Variants in ASTN2 observed in about 807,000 individuals in gnomAD.
ASTN2 encodes astrotactin-2.
Under a neutral mutation model 139.8 loss-of-function variants are expected in ASTN2, and 54 were observed. That is an observed-to-expected ratio of 0.39 (90% CI 0.31 to 0.48). ASTN2 has a LOEUF of 0.48. ASTN2 is among the 20% of genes least tolerant of loss of function. The pLI is 0.95. For synonymous variants in ASTN2, 756 were observed against 719.5 expected, an observed-to-expected ratio of 1.05 and a Z score of -0.81; for missense variants, 1,565 against 1,725.1, an observed-to-expected ratio of 0.91 and a Z score of 1.64.
intron 20 of ASTN2, among the ~76,000 whole-genome samples, chr9:116,485,275 G>T (rs558794225): frequency 6.6e-6 from 1 of 152,222 alleles, no homozygotes; most frequent in South Asian, 2.1e-4. Flanking sequence ...GAGGCTCAGA[G>T]GGATGGGCAG....
At chr9:116,849,712 G>A (rs929490866) in intron 11 of ASTN2, among the ~76,000 whole-genome samples, 6 of 151,584 alleles carry the variant, frequency 4.0e-5, no homozygotes, top group Non-Finnish European at 8.8e-5. Flanking sequence ...CTGGACATAC[G>A]GACTTTTCCA....
At chr9:116,995,922 C>T (rs1836999677) in intron 7 of ASTN2, among the ~76,000 whole-genome samples, 1 of 152,166 alleles carries the variant, frequency 6.6e-6, no homozygotes, top group African/African-American at 2.4e-5. Flanking sequence ...CTCACTGACA[C>T]TTTGAACTCC....
At chr9:116,575,396 G>C (rs1410306638) in intron 19 of ASTN2, among the ~76,000 whole-genome samples, 2 of 152,124 alleles carry the variant, frequency 1.3e-5, no homozygotes, top group Admixed American at 6.6e-5. Context: ...CTTTGGTGTG[G>C]ATGAGTACAG....
chr9:116,436,887 T>C (rs538777126), intron 22 of ASTN2, among the ~76,000 whole-genome samples: 6 of 151,918 alleles, frequency 3.9e-5, no homozygotes, highest in East Asian at 3.9e-4. Flanking sequence ...CCATAAAAAA[T>C]GATGAGTTCA....
intron 5 of ASTN2, among the ~76,000 whole-genome samples, chr9:117,085,634 TA>T (rs1345692180): frequency 1.3e-5 from 2 of 152,188 alleles, no homozygotes; most frequent in South Asian, 2.1e-4. Flanking sequence ...CATACTGAAC[TA>T]ACTTTTCAGT....
At chr9:116,637,202 A>T (rs758502185) in intron 17 of ASTN2, among the ~76,000 whole-genome samples, 1 of 152,224 alleles carries the variant, frequency 6.6e-6, no homozygotes, top group Non-Finnish European at 1.5e-5. Context: ...GACCCATGTG[A>T]TGACAAACTG....
At chr9:116,578,525 C>A (rs1853815316) in intron 19 of ASTN2, among the ~76,000 whole-genome samples, 3 of 148,178 alleles carry the variant, frequency 2.0e-5, no homozygotes, top group Non-Finnish European at 3.0e-5. Context: ...ATTATGAAAT[C>A]AGAATTCCAG....
intron 17 of ASTN2, among the ~76,000 whole-genome samples, chr9:116,634,188 C>A (rs1856943910): frequency 6.6e-6 from 1 of 152,038 alleles, no homozygotes; most frequent in Admixed American, 6.5e-5. Context: ...GTATAAAGTG[C>A]CTAAAATAAT....
intron 3 of ASTN2, among the ~76,000 whole-genome samples, chr9:117,209,706 G>A (rs551568404): frequency 1.4e-4 from 21 of 152,198 alleles, no homozygotes; most frequent in African/African-American, 5.1e-4. Context: ...CCAAATGGAT[G>A]TGATAGACAA....
intron 10 of ASTN2, among the ~76,000 whole-genome samples, chr9:116,915,998 C>T (rs1194101313): frequency 1.3e-5 from 2 of 152,162 alleles, no homozygotes; most frequent in Admixed American, 6.5e-5. Flanking sequence ...TCTTCTGGGA[C>T]TAAGATTTCA....
Position 117,414,176 on chromosome 9 carries a change from CA to C in ASTN2, c.442+320del, listed in dbSNP as rs2130987498. Among the ~76,000 whole-genome samples the C allele has an allele frequency of 6.6e-6, 1 of 152,228 alleles. No individual in the cohort carries two copies. The highest frequency in any genetic ancestry group is 2.0e-4 in the East Asian group (1 of 5,118). On this transcript the variant is annotated intron_variant, in intron 1 of 22. Coordinates refer to ENST00000313400, the MANE Select transcript of ASTN2 (RefSeq NM_001365068.1). This position sits in a 1 kb window ranked among gnomAD's most constrained non-coding sequence, Gnocchi z 4.2. ...GATCTGGGATGCTCCGGCCCCTAGC[CA>C]GAGCACCTTCAGTGAATGGGGTCTC... is the stretch of plus-strand genomic sequence containing the variant.
intron 1 of ASTN2, among the ~76,000 whole-genome samples, chr9:117,306,550 T>C (rs1315927984): frequency 6.6e-6 from 1 of 152,196 alleles, no homozygotes; most frequent in South Asian, 2.1e-4. Context: ...GGAATAGACA[T>C]GGCATCTTCA....
At chr9:117,288,739 C>A (rs987272748) in intron 2 of ASTN2, among the ~76,000 whole-genome samples, 4 of 152,172 alleles carry the variant, frequency 2.6e-5, no homozygotes, top group Non-Finnish European at 4.4e-5. Context: ...AGAGTCTGAG[C>A]CACAGAGAGG....
intron 20 of ASTN2, among the ~76,000 whole-genome samples, chr9:116,485,997 C>T (rs114512729): frequency 3.9e-5 from 6 of 152,312 alleles, no homozygotes; most frequent in African/African-American, 1.4e-4. Flanking sequence ...ACTTACTGAG[C>T]ACATGCTTGG....
chr9:116,820,832 G>A, intron 11 of ASTN2, 49 bp from the exon 12 acceptor site: 1 of 1,555,330 alleles, frequency 6.4e-7, no homozygotes. Flanking sequence ...GAGGTTGTAG[G>A]CCCCATCACA....
intron 1 of ASTN2, among the ~76,000 whole-genome samples, chr9:117,345,006 T>C (rs1303427968): frequency 6.6e-6 from 1 of 151,942 alleles, no homozygotes; most frequent in Admixed American, 6.5e-5. Flanking sequence ...CATGAACAGG[T>C]TGGGGCTAAA....
chr9:116,941,879 C>G (rs1253548695), intron 10 of ASTN2, among the ~76,000 whole-genome samples: 1 of 151,386 alleles, frequency 6.6e-6, no homozygotes, highest in Non-Finnish European at 1.5e-5. Context: ...CAAAACCAAG[C>G]AAGATAGCCA....
chr9:116,750,858 A>G (rs747246146), intron 13 of ASTN2, among the ~76,000 whole-genome samples: 4 of 152,236 alleles, frequency 2.6e-5, no homozygotes, highest in Non-Finnish European at 4.4e-5. Flanking sequence ...ACACCAAGGG[A>G]TATCAAGACT....
At chr9:116,463,986 G>A (rs1387543910) in intron 20 of ASTN2, among the ~76,000 whole-genome samples, 4 of 146,162 alleles carry the variant, frequency 2.7e-5, no homozygotes, top group Non-Finnish European at 6.0e-5. Context: ...AGTCTCAAGT[G>A]ATCTTCCCAC....
Sources: allele counts gnomAD v4.1 joint callset (sites outside exome capture counted in the v4.1 genomes callset), GRCh38; gene constraint gnomAD v4.1.1; non-coding constraint Gnocchi (gnomAD v3.1); transcripts MANE v1.5; gene names NCBI Gene and HGNC (gene_info 2026-07-23, HGNC 2026-07-21).